The following MYOCD variants were observed in gnomAD, a reference collection of about 807,000 sequenced individuals.
MYOCD encodes the protein myocardin.
Under a neutral mutation model 96.1 loss-of-function variants are expected in MYOCD, and 32 were observed. The ratio of observed to expected loss-of-function variants is 0.33; its 90% CI spans 0.25 to 0.45. The LOEUF (loss-of-function observed/expected upper bound fraction) is 0.45. MYOCD is among the 20% of genes least tolerant of loss of function. The pLI is 1.00. For synonymous variants in MYOCD, 469 were observed against 469.0 expected, an observed-to-expected ratio of 1.00 and a Z score of 0.00; for missense variants, 1,133 against 1,200.6, an observed-to-expected ratio of 0.94 and a Z score of 0.83.
In MYOCD at chr17:12,744,454, G is replaced by A; in HGVS notation, c.971+18G>A. 1 of 1,590,318 alleles carries A rather than the reference G, an allele frequency of 6.3e-7. No homozygotes were observed. The highest frequency in any genetic ancestry group is 8.6e-7 in the Non-Finnish European group (1 of 1,167,930). On this transcript the variant is annotated intron_variant, in intron 8 of 13. Coordinates refer to ENST00000425538, the MANE Select transcript of MYOCD (RefSeq NM_001146312.3). ...CAGCTTAAGTAAGTCCGGCAAGGCT[G>A]GGAGGGTGGCTGTGGGCAGAGGTTG...
At chr17:12,762,450 A>T (rs2033203127) in intron 13 of MYOCD, 1 of 152,484 alleles carries the variant, frequency 6.6e-6, no homozygotes, top group Non-Finnish European at 1.5e-5. Flanking sequence ...GAGATGACAC[A>T]ATCCAAGGTG....
At chr17:12,731,562 C>T (rs566429465) in intron 5 of MYOCD, among the ~76,000 whole-genome samples, 58 of 152,240 alleles carry the variant, frequency 3.8e-4, no homozygotes, top group Admixed American at 1.4e-3. Context: ...ATCACTTACA[C>T]GTCAGGAACT....
intron 1 of MYOCD, among the ~76,000 whole-genome samples, chr17:12,688,582 C>T (rs1372371418): frequency 2.3e-4 from 29 of 124,574 alleles, no homozygotes; most frequent in South Asian, 1.1e-3. Flanking sequence ...ATCTCCGTCC[C>T]TCCTTCCTTC....
At chr17:12,683,568 C>T (rs1209418158) in intron 1 of MYOCD, among the ~76,000 whole-genome samples, 3 of 152,150 alleles carry the variant, frequency 2.0e-5, no homozygotes, top group African/African-American at 7.2e-5. Context: ...TACACAGATA[C>T]ACACACATAC....
At chr17:12,715,614 G>C in intron 3 of MYOCD, 40 bp downstream of exon 3, 1 of 1,518,756 alleles carries the variant, frequency 6.6e-7, no homozygotes, top group Admixed American at 1.7e-5. Context: ...TTAGACTATA[G>C]GTTATGAATC....
At chr17:12,750,346 C>A (rs972573985) in intron 9 of MYOCD, among the ~76,000 whole-genome samples, 3 of 152,130 alleles carry the variant, frequency 2.0e-5, no homozygotes, top group African/African-American at 7.2e-5. Flanking sequence ...TGTTGCTTGT[C>A]TAAGGACCAT....
At chr17:12,708,801 C>T (rs2031387087) in intron 2 of MYOCD, among the ~76,000 whole-genome samples, 1 of 152,162 alleles carries the variant, frequency 6.6e-6, no homozygotes, top group African/African-American at 2.4e-5. Context: ...GCAACCCCTT[C>T]CTATTGTGGA....
chr17:12,751,759 T>C (rs1055454682), intron 9 of MYOCD, among the ~76,000 whole-genome samples: 2 of 152,192 alleles, frequency 1.3e-5, no homozygotes, highest in African/African-American at 4.8e-5. Context: ...GATGGTCTTA[T>C]CGCCACATAC....
Position 12,684,283 on chromosome 17 carries a change from G to A in MYOCD, c.55+18040G>A, listed in dbSNP as rs928287108. Reference sequence around the variant, plus strand: ...GTCTCTTCCCATCGTCTGAGCATCAGATGAGTCCTCCTAAAATGTCAATGT... The same window carrying A: ...GTCTCTTCCCATCGTCTGAGCATCAAATGAGTCCTCCTAAAATGTCAATGT... On this transcript the variant is annotated intron_variant, in intron 1 of 13. Transcript: ENST00000425538. Among the ~76,000 whole-genome samples, 3 of 152,126 alleles carry A rather than the reference G, an allele frequency of 2.0e-5. No individual in the cohort carries two copies. The East Asian group carries it at 5.8e-4, about 29-fold the overall frequency.
chr17:12,703,663 C>T (rs1319900873), intron 1 of MYOCD, among the ~76,000 whole-genome samples: 4 of 152,068 alleles, frequency 2.6e-5, no homozygotes, highest in Admixed American at 2.6e-4. Flanking sequence ...AATTCCCTAA[C>T]GTTAGACTTT....
At chr17:12,704,789 T>C (rs1228489629) in intron 1 of MYOCD, 2 of 204,266 alleles carry the variant, frequency 9.8e-6, no homozygotes, top group Non-Finnish European at 2.0e-5. Flanking sequence ...CCCCTTTTGA[T>C]ATCACTGGTT....
At chr17:12,722,478 G>A (rs2031867839) in intron 4 of MYOCD, among the ~76,000 whole-genome samples, 1 of 152,104 alleles carries the variant, frequency 6.6e-6, no homozygotes, top group African/African-American at 2.4e-5. Context: ...AACATTTACT[G>A]CAGGCCTAGC....
intron 1 of MYOCD, among the ~76,000 whole-genome samples, chr17:12,685,340 C>A (rs547628615): frequency 6.6e-6 from 1 of 152,070 alleles, no homozygotes; most frequent in South Asian, 2.1e-4. Context: ...CACAGTGGCT[C>A]ACGCCTGTAA....
chr17:12,672,634 C>T (rs1001858796), intron 1 of MYOCD, among the ~76,000 whole-genome samples: 2 of 152,188 alleles, frequency 1.3e-5, no homozygotes, highest in Non-Finnish European at 2.9e-5. Flanking sequence ...TCTTTCTTTT[C>T]TCCTGCTGGT....
intron 6 of MYOCD, among the ~76,000 whole-genome samples, chr17:12,737,592 T>A (rs2032384406): frequency 6.6e-6 from 1 of 152,126 alleles, no homozygotes; most frequent in South Asian, 2.1e-4. Context: ...AGATGTGAGC[T>A]CTTCCAACTC....
At chr17:12,680,669 G>C (rs781433924) in intron 1 of MYOCD, among the ~76,000 whole-genome samples, 5 of 152,306 alleles carry the variant, frequency 3.3e-5, no homozygotes, top group Non-Finnish European at 7.3e-5. Flanking sequence ...AAACAAGTGG[G>C]GAAAGCCTCA....
intron 7 of MYOCD, among the ~76,000 whole-genome samples, chr17:12,739,980 G>T (rs1464429016): frequency 1.3e-5 from 2 of 151,906 alleles, no homozygotes; most frequent in Non-Finnish European, 2.9e-5. Flanking sequence ...CTGTTGCCCA[G>T]GTTGGAATAC....
At chr17:12,762,918 T>C (rs922242352) in intron 13 of MYOCD, 155 bp from the exon 14 acceptor site, 58 of 612,566 alleles carry the variant, frequency 9.5e-5, no homozygotes, top group Non-Finnish European at 1.6e-4. Context: ...GGAAGATGAA[T>C]TGGAGATTGA....
intron 2 of MYOCD, chr17:12,706,060 T>G (rs951579054): frequency 3.3e-5 from 5 of 152,198 alleles, no homozygotes; most frequent in African/African-American, 1.2e-4. Flanking sequence ...TGTTGTGTAG[T>G]TAGTTATATT....
Sources: allele counts gnomAD v4.1 joint callset (sites outside exome capture counted in the v4.1 genomes callset), GRCh38; gene constraint gnomAD v4.1.1; transcripts MANE v1.5; gene names NCBI Gene and HGNC (gene_info 2026-07-23, HGNC 2026-07-21).